TNFAIP8: variants seen among roughly 807,000 people sequenced by gnomAD.
TNFAIP8 encodes TNF alpha induced protein 8.
A neutral mutation model predicts 13.3 loss-of-function variants in TNFAIP8; 7 were observed. That is an observed-to-expected ratio of 0.52 (90% confidence interval 0.30 to 0.99). The LOEUF (loss-of-function observed/expected upper bound fraction) is 0.99, where lower values mean the gene tolerates loss of function less well. Ranked by LOEUF, TNFAIP8 falls within the 50% of genes least tolerant of loss-of-function variation. The pLI is 0.07. For synonymous variants in TNFAIP8, 94 were observed against 87.6 expected, an observed-to-expected ratio of 1.07 and a Z score of -0.41; for missense variants, 258 against 236.9, an observed-to-expected ratio of 1.09 and a Z score of -0.58.
intron 1 of TNFAIP8, among the ~76,000 whole-genome samples, chr5:119,380,431 C>T (rs1431174015): frequency 6.6e-6 from 1 of 152,164 alleles, no homozygotes; most frequent in Non-Finnish European, 1.5e-5. Flanking sequence ...GAGTCAGGGC[C>T]TCTGGCAGGA....
intron 1 of TNFAIP8, among the ~76,000 whole-genome samples, chr5:119,269,484 C>T (rs1748207845): frequency 6.6e-6 from 1 of 152,140 alleles, no homozygotes; most frequent in African/African-American, 2.4e-5. Context: ...GCACATGTCG[C>T]ACTGGAGCCC....
chr5:119,338,211 CCTTCTCAGCA>C (rs1562006827), intron 1 of TNFAIP8, among the ~76,000 whole-genome samples: 19 of 146,492 alleles, frequency 1.3e-4, no homozygotes, highest in African/African-American at 4.8e-4. Context: ...CACACACACA[CCTTCTCAGCA>C]CCTAGTCACA....
intron 1 of TNFAIP8, among the ~76,000 whole-genome samples, chr5:119,368,744 CA>C (rs1406865019): frequency 6.6e-6 from 1 of 152,034 alleles, no homozygotes; most frequent in Non-Finnish European, 1.5e-5. Context: ...TTTCGGGACC[CA>C]ACTAAATTTC....
intron 1 of TNFAIP8, among the ~76,000 whole-genome samples, chr5:119,359,668 T>A (rs73790830): frequency 0.026 from 3,984 of 152,308 alleles, 169 homozygotes; most frequent in African/African-American, 0.091. Flanking sequence ...TGTTTTAACC[T>A]CACATGGTGT....
At position 119,285,486 on chromosome 5, in the gene TNFAIP8, C is replaced by T. The variant is rs76107653; in HGVS notation, c.1+16579C>T. Among the ~76,000 whole-genome samples, 1,185 of 152,148 alleles carry T rather than the reference C, an allele frequency of 7.8e-3. 16 individuals are homozygous for T. The highest frequency in any genetic ancestry group is 0.037 in the South Asian group (177 of 4,818). On this transcript the variant is annotated intron_variant, in intron 1 of 1. Transcript: ENST00000274456. ...GTGGGAAGTCAGGAAGAACTCTGGCCCCAGAGGCTTCCCAGGAGGCTCCAG... is the reference window on the plus strand; with the variant it reads ...GTGGGAAGTCAGGAAGAACTCTGGCTCCAGAGGCTTCCCAGGAGGCTCCAG...
intron 1 of TNFAIP8, among the ~76,000 whole-genome samples, chr5:119,387,427 A>C (rs759161772): frequency 5.3e-5 from 8 of 152,224 alleles, no homozygotes; most frequent in Non-Finnish European, 1.2e-4. Flanking sequence ...ATGTATGTAC[A>C]TCTGTTGTCA....
At chr5:119,332,005 A>G (rs552073884) in intron 1 of TNFAIP8, among the ~76,000 whole-genome samples, 18 of 152,334 alleles carry the variant, frequency 1.2e-4, no homozygotes, top group South Asian at 4.1e-4. Flanking sequence ...TTTTCATGGC[A>G]TGAAGGGCCA....
chr5:119,367,558 T>C (rs547359293), intron 1 of TNFAIP8, among the ~76,000 whole-genome samples: 1 of 152,354 alleles, frequency 6.6e-6, no homozygotes, highest in South Asian at 2.1e-4. Flanking sequence ...GTTTTAATTG[T>C]ATATCTTTTA....
chr5:119,351,857 T>G (rs1309265274), upstream of TNFAIP8, among the ~76,000 whole-genome samples: 4 of 150,366 alleles, frequency 2.7e-5, no homozygotes, highest in Admixed American at 2.0e-4. Flanking sequence ...TGGCACGATC[T>G]CAGCTTGCTG....
At chr5:119,387,955 T>A (rs747135232) in intron 1 of TNFAIP8, among the ~76,000 whole-genome samples, 1 of 152,234 alleles carries the variant, frequency 6.6e-6, no homozygotes, top group Non-Finnish European at 1.5e-5. Context: ...TGAATTGATC[T>A]TAAGAGGCAA....
intron 1 of TNFAIP8, among the ~76,000 whole-genome samples, chr5:119,392,029 A>G (rs1752913051): frequency 6.6e-6 from 1 of 152,222 alleles, no homozygotes; most frequent in African/African-American, 2.4e-5. Flanking sequence ...AGCACATTTC[A>G]TTAGCTCATG....
chr5:119,307,771 G>A (rs201635905), intron 1 of TNFAIP8, among the ~76,000 whole-genome samples: 1 of 152,114 alleles, frequency 6.6e-6, no homozygotes, highest in East Asian at 1.9e-4. Flanking sequence ...AAGACTGTGT[G>A]TATATATGTA....
chr5:119,300,967 C>G (rs1464763626), intron 1 of TNFAIP8, among the ~76,000 whole-genome samples: 1 of 152,098 alleles, frequency 6.6e-6, no homozygotes, highest in Non-Finnish European at 1.5e-5. Flanking sequence ...TAGGGTGCCT[C>G]ACACTAAAAG....
intron 1 of TNFAIP8, among the ~76,000 whole-genome samples, chr5:119,328,068 A>T (rs1350053059): frequency 1.3e-5 from 2 of 152,210 alleles, no homozygotes; most frequent in Non-Finnish European, 2.9e-5. Context: ...AGGAAGATCA[A>T]CCCAGCTGGG....
chr5:119,302,193 A>G (rs775616697), intron 1 of TNFAIP8, among the ~76,000 whole-genome samples: 22 of 152,262 alleles, frequency 1.4e-4, no homozygotes, highest in Middle Eastern at 3.4e-3. Flanking sequence ...CCTTCAAACC[A>G]CCTGTTGAAT....
upstream of TNFAIP8, chr5:119,354,838 T>G (rs960923137): frequency 6.3e-6 from 1 of 159,302 alleles, no homozygotes; most frequent in African/African-American, 2.4e-5. Flanking sequence ...TTTCTATTGG[T>G]TTTTGCCTAT....
chr5:119,323,205 A>G (rs754212398), intron 1 of TNFAIP8, among the ~76,000 whole-genome samples: 1 of 152,188 alleles, frequency 6.6e-6, no homozygotes, highest in Non-Finnish European at 1.5e-5. Context: ...CTATGCTGCT[A>G]TTGGCCTCAT....
At chr5:119,316,919 A>G (rs942015603) in intron 1 of TNFAIP8, among the ~76,000 whole-genome samples, 2 of 152,196 alleles carry the variant, frequency 1.3e-5, no homozygotes, top group African/African-American at 2.4e-5. Context: ...GCATCCCACA[A>G]TGCACCCAAA....
chr5:119,389,405 TCA>T (rs1249736774), intron 1 of TNFAIP8, among the ~76,000 whole-genome samples: 1 of 126,318 alleles, frequency 7.9e-6, no homozygotes, highest in Non-Finnish European at 1.8e-5. Flanking sequence ...GTGGATGAGA[TCA>T]CACAGGGGTG....
Sources: allele counts gnomAD v4.1 joint callset (sites outside exome capture counted in the v4.1 genomes callset), GRCh38; gene constraint gnomAD v4.1.1; transcripts MANE v1.5; gene names NCBI Gene and HGNC (gene_info 2026-07-23, HGNC 2026-07-21).